The following CEP135 variants were observed in gnomAD, a reference collection of about 807,000 sequenced individuals.
CEP135 encodes the protein centrosomal protein 135, also known as centrosomal protein of 135 kDa.
A neutral mutation model predicts 157.3 loss-of-function variants in CEP135; 142 were observed. That is an observed-to-expected ratio of 0.90 (90% confidence interval 0.79 to 1.04). The LOEUF is 1.04. Ranked by LOEUF, CEP135 falls within the 50% of genes least tolerant of loss-of-function variation. The pLI, the probability that CEP135 is intolerant of heterozygous loss-of-function variation, is 0.00. For synonymous variants in CEP135, 396 were observed against 439.8 expected, an observed-to-expected ratio of 0.90 and a Z score of 1.25; for missense variants, 1,317 against 1,309.2, an observed-to-expected ratio of 1.01 and a Z score of -0.09.
intron 17 of CEP135, among the ~76,000 whole-genome samples, chr4:56,003,285 T>G (rs970397093): frequency 6.6e-6 from 1 of 152,060 alleles, no homozygotes; most frequent in African/African-American, 2.4e-5. Flanking sequence ...CCTCCCGGGT[T>G]CATGCCGCCT....
intron 21 of CEP135, among the ~76,000 whole-genome samples, chr4:56,016,729 G>A (rs1730788117): frequency 6.6e-6 from 1 of 152,000 alleles, no homozygotes; most frequent in Non-Finnish European, 1.5e-5. Context: ...AGGCTGGAGT[G>A]GAATGGCTTA....
chr4:55,983,037 C>T (rs962181368), intron 13 of CEP135, among the ~76,000 whole-genome samples: 1 of 152,110 alleles, frequency 6.6e-6, no homozygotes, highest in Non-Finnish European at 1.5e-5. Flanking sequence ...TAAGCATAGT[C>T]TTTATGTCAC....
Position 56,029,275 on chromosome 4 carries a change from C to T in CEP135, c.*12-2085C>T, listed in dbSNP as rs146598764. ...GCAGGTATCACTAAGTAGATATGAT[C>T]GATTAAATCATTAGCCATTCATGAT... On this transcript the variant is annotated intron_variant, in intron 25 of 25. Coordinates refer to ENST00000257287, the MANE Select transcript of CEP135 (RefSeq NM_025009.5). Among the ~76,000 whole-genome samples the T allele has an allele frequency of 3.3e-5, 5 of 152,270 alleles. No individual in the cohort carries two copies. The East Asian group carries it at 9.7e-4, about 29-fold the overall frequency.
At chr4:55,984,129 A>G (rs1275787315) in intron 13 of CEP135, among the ~76,000 whole-genome samples, 1 of 152,172 alleles carries the variant, frequency 6.6e-6, no homozygotes, top group African/African-American at 2.4e-5. Context: ...ATCACTTCCT[A>G]TTTAAAATCC....
At chr4:55,952,629 CAT>C (rs1317507297) in intron 2 of CEP135, 1 of 175,832 alleles carries the variant, frequency 5.7e-6, no homozygotes, top group African/African-American at 2.4e-5. Flanking sequence ...TTCTGAGAAA[CAT>C]GTCATCATTA....
At chr4:55,950,369 T>G (rs758064109) in intron 1 of CEP135, among the ~76,000 whole-genome samples, 1 of 152,240 alleles carries the variant, frequency 6.6e-6, no homozygotes, top group Non-Finnish European at 1.5e-5. Flanking sequence ...ATGCATGTAA[T>G]GCATTTTTTA....
intron 10 of CEP135, among the ~76,000 whole-genome samples, chr4:55,971,878 C>T (rs563849529): frequency 2.6e-5 from 4 of 152,198 alleles, no homozygotes; most frequent in South Asian, 2.1e-4. Context: ...CGGCTGGGCG[C>T]GGTGGCTCAC....
chr4:56,012,315 C>A (rs1170032516), intron 21 of CEP135, among the ~76,000 whole-genome samples: 5 of 152,182 alleles, frequency 3.3e-5, no homozygotes, highest in Non-Finnish European at 7.3e-5. Flanking sequence ...CTCAGCCTCC[C>A]AAAGTGCTGG....
At chr4:55,990,053 T>C (rs181550428) in intron 14 of CEP135, among the ~76,000 whole-genome samples, 29 of 152,382 alleles carry the variant, frequency 1.9e-4, no homozygotes, top group East Asian at 9.6e-4. Flanking sequence ...TAGTGGTGAC[T>C]GATCCATCTT....
intron 8 of CEP135, among the ~76,000 whole-genome samples, chr4:55,967,402 C>G (rs1338977903): frequency 6.6e-6 from 1 of 152,074 alleles, no homozygotes; most frequent in Non-Finnish European, 1.5e-5. Context: ...ATCTTTTGAT[C>G]TGGTACTCTA....
chr4:55,992,204 G>A, intron 15 of CEP135, 119 bp downstream of exon 15: 1 of 870,532 alleles, frequency 1.1e-6, no homozygotes, highest in Non-Finnish European at 1.7e-6. Flanking sequence ...AGTTGGCTTT[G>A]CAGTAGACTC....
At chr4:56,012,347 C>T (rs1560422095) in intron 21 of CEP135, among the ~76,000 whole-genome samples, 1 of 152,206 alleles carries the variant, frequency 6.6e-6, no homozygotes, top group Admixed American at 6.5e-5. Flanking sequence ...TGAGCCACCG[C>T]ACCCGGCCTC....
chr4:55,962,779 C>T (rs1437070037), intron 6 of CEP135, among the ~76,000 whole-genome samples: 3 of 142,956 alleles, frequency 2.1e-5, no homozygotes, highest in Non-Finnish European at 4.5e-5. Context: ...TGAAATATTA[C>T]TGTTTTCTTG....
chr4:55,986,408 G>A (rs1402650184), intron 14 of CEP135, among the ~76,000 whole-genome samples: 1 of 152,120 alleles, frequency 6.6e-6, no homozygotes, highest in Non-Finnish European at 1.5e-5. Context: ...CAGGCATGGT[G>A]GCATGCACCT....
intron 25 of CEP135, 36 bp from the exon 26 acceptor site, chr4:56,031,324 T>G (rs1414236331): frequency 6.6e-6 from 1 of 152,618 alleles, no homozygotes; most frequent in Non-Finnish European, 1.5e-5. Flanking sequence ...TTTATCATTT[T>G]TCTCTTAACC....
chr4:56,008,296 A>G (rs575177410), intron 17 of CEP135, 31 bp from the exon 18 acceptor site: 12 of 1,550,594 alleles, frequency 7.7e-6, no homozygotes, highest in Non-Finnish European at 1.1e-5. Flanking sequence ...ATTTTGGTTT[A>G]AAATCTTACA....
intron 6 of CEP135, chr4:55,960,077 A>G (rs2109648490): frequency 4.4e-6 from 2 of 449,556 alleles, no homozygotes; most frequent in South Asian, 1.0e-4. Flanking sequence ...TTCACTATTC[A>G]TTGAGGTGAA....
intron 15 of CEP135, among the ~76,000 whole-genome samples, chr4:55,994,111 ACAAAC>A (rs1729883715): frequency 6.6e-6 from 1 of 152,236 alleles, no homozygotes; most frequent in Non-Finnish European, 1.5e-5. Context: ...GAAACCAAAT[ACAAAC>A]CATGATACCC....
chr4:55,954,732 A>G (rs1286081777), intron 4 of CEP135, among the ~76,000 whole-genome samples: 1 of 152,186 alleles, frequency 6.6e-6, no homozygotes, highest in Non-Finnish European at 1.5e-5. Flanking sequence ...GAAATTATGT[A>G]CTTTCTTAGT....
Sources: gnomAD v4.1 joint callset for allele counts (sites outside exome capture counted in the v4.1 genomes callset) on GRCh38, gnomAD v4.1.1 for gene constraint, MANE v1.5 for transcripts, NCBI Gene and HGNC (gene_info 2026-07-23, HGNC 2026-07-21) for gene names.